Variants in CCDC170 observed in about 807,000 individuals in gnomAD.
CCDC170 encodes the protein coiled-coil domain containing 170.
A neutral mutation model predicts 72.6 loss-of-function variants in CCDC170; 69 were observed. That is an observed-to-expected ratio of 0.95 (90% CI 0.78 to 1.16). CCDC170 has a LOEUF of 1.16. CCDC170 is among the 50% of genes most tolerant of loss of function. CCDC170 has a pLI of 0.00. For synonymous variants in CCDC170, 300 were observed against 303.9 expected (o/e 0.99, Z 0.13); for missense variants, 852 against 832.5 (o/e 1.02, Z -0.29).
At position 151,548,352 on chromosome 6, in the gene CCDC170, A is replaced by G; in HGVS notation, c.637A>G (p.Ile213Val). 6.2e-7 allele frequency: 1 copy of G among 1,603,748 alleles called. No individual in the cohort carries two copies. Among genetic ancestry groups the G allele is most frequent in the Non-Finnish European group, 8.5e-7 (1 of 1,174,926 alleles). Reference sequence around the variant, plus strand: ...TGAATTCGTGAAAGGACAAATTGTTATTCTTGAAGAGACTATAAATGTCCA... The same window carrying G: ...TGAATTCGTGAAAGGACAAATTGTTGTTCTTGAAGAGACTATAAATGTCCA... The part of the protein sequence containing the change: ...ENEFVKGQIV[I>V]LEETINVHEM... Residue 213 changes from isoleucine (I) to valine (V), a missense_variant, in exon 5 of 11, where the codon ATT (isoleucine) becomes GTT (valine). Transcript: ENST00000239374.
chr6:151,536,671 A>C (rs1490961514), intron 2 of CCDC170, among the ~76,000 whole-genome samples: 4 of 148,002 alleles, frequency 2.7e-5, no homozygotes, highest in Non-Finnish European at 4.5e-5. Flanking sequence ...GCTGCTCGAG[A>C]GGCTGAGGCA....
intron 5 of CCDC170, among the ~76,000 whole-genome samples, chr6:151,571,981 A>G (rs182241310): frequency 2.8e-4 from 42 of 152,240 alleles, no homozygotes; most frequent in Admixed American, 2.4e-3. Context: ...TCAGCCTCCC[A>G]AGTAGCTGGG....
At chr6:151,504,251 G>T (rs1782035027) in intron 1 of CCDC170, among the ~76,000 whole-genome samples, 1 of 152,080 alleles carries the variant, frequency 6.6e-6, no homozygotes, top group South Asian at 2.1e-4. Context: ...AAACATACTT[G>T]AGTTCCTTGG....
intron 1 of CCDC170, among the ~76,000 whole-genome samples, chr6:151,497,081 G>A (rs1256218382): frequency 6.6e-6 from 1 of 152,210 alleles, no homozygotes; most frequent in Non-Finnish European, 1.5e-5. Context: ...GAGGGACAGA[G>A]GATACAAAAA....
intron 1 of CCDC170, among the ~76,000 whole-genome samples, chr6:151,522,512 G>A (rs1457219095): frequency 2.6e-5 from 4 of 151,954 alleles, no homozygotes; most frequent in Admixed American, 6.6e-5. Context: ...CCTGACTGGC[G>A]CCAAAGTACT....
At chr6:151,514,432 C>A (rs58934608) in intron 1 of CCDC170, among the ~76,000 whole-genome samples, 6,523 of 149,258 alleles carry the variant, frequency 0.044, 456 homozygotes, top group African/African-American at 0.14. Context: ...TCCTAGGAAG[C>A]CTTCACAAAA....
chr6:151,523,045 T>C (rs1782347201), intron 1 of CCDC170, among the ~76,000 whole-genome samples: 1 of 152,158 alleles, frequency 6.6e-6, no homozygotes, highest in South Asian at 2.1e-4. Context: ...TACAGTAGAA[T>C]TGTTATAGGA....
At chr6:151,561,232 T>G (rs764000534) in intron 5 of CCDC170, among the ~76,000 whole-genome samples, 3 of 152,158 alleles carry the variant, frequency 2.0e-5, no homozygotes, top group Non-Finnish European at 2.9e-5. Context: ...TATACTCTTT[T>G]AGTTATTTAA....
Position 151,617,978 on chromosome 6 carries a change from T to A in CCDC170, c.1979T>A (p.Met660Lys). 1 of 1,614,138 alleles carries A rather than the reference T, an allele frequency of 6.2e-7. No homozygotes were observed. The highest frequency in any genetic ancestry group is 8.5e-7 in the Non-Finnish European group (1 of 1,179,992). Reference protein sequence around the residue: ...LADFREVVSQMLGLNVTSLAL... With the variant: ...LADFREVVSQKLGLNVTSLAL... ...GACTTCAGGGAGGTGGTGTCGCAGA[T>A]GCTAGGCTTGAACGTGACCAGCCTT... is the stretch of plus-strand genomic sequence containing the variant. Residue 660 changes from methionine to lysine, a missense_variant, in exon 11 of 11, where the codon ATG becomes AAG. Transcript: ENST00000239374.
At chr6:151,506,912 C>T (rs1203873906) in intron 1 of CCDC170, among the ~76,000 whole-genome samples, 1 of 152,188 alleles carries the variant, frequency 6.6e-6, no homozygotes, top group Non-Finnish European at 1.5e-5. Context: ...ATCAGTTCTT[C>T]CCTGGGTCTC....
intron 1 of CCDC170, among the ~76,000 whole-genome samples, chr6:151,513,613 C>CAAAA (rs71014591): frequency 2.8e-4 from 13 of 46,000 alleles, no homozygotes; most frequent in Non-Finnish European, 4.8e-4. Context: ...GGCTCCGTCT[C>CAAAA]AAAAAAAAAA....
intron 4 of CCDC170, 148 bp from the exon 5 acceptor site, chr6:151,548,156 G>A (rs1375927205): frequency 8.1e-6 from 5 of 617,412 alleles, no homozygotes; most frequent in Non-Finnish European, 1.2e-5. Context: ...TTTACAGGCT[G>A]CCTTTGAAAA....
intron 1 of CCDC170, among the ~76,000 whole-genome samples, chr6:151,502,284 T>C (rs1782003814): frequency 6.6e-6 from 1 of 152,162 alleles, no homozygotes; most frequent in Non-Finnish European, 1.5e-5. Context: ...AAAATAATAA[T>C]GACAATAATA....
intron 1 of CCDC170, among the ~76,000 whole-genome samples, chr6:151,510,370 GTTAT>G (rs1486360500): frequency 2.0e-5 from 3 of 152,074 alleles, no homozygotes; most frequent in African/African-American, 4.8e-5. Context: ...CTAGAAATGA[GTTAT>G]TTATTACAGT....
At chr6:151,614,269 C>G (rs1175338025) in intron 9 of CCDC170, among the ~76,000 whole-genome samples, 1 of 152,102 alleles carries the variant, frequency 6.6e-6, no homozygotes, top group African/African-American at 2.4e-5. Context: ...GACAATAGCT[C>G]TCATTTCTCC....
chr6:151,512,802 TA>T (rs1450470723), intron 1 of CCDC170, among the ~76,000 whole-genome samples: 1 of 152,060 alleles, frequency 6.6e-6, no homozygotes, highest in Non-Finnish European at 1.5e-5. Context: ...ACCAAGTCCT[TA>T]AAAAAAGGAT....
At chr6:151,593,867 A>G (rs1243480696) in intron 8 of CCDC170, among the ~76,000 whole-genome samples, 2 of 152,248 alleles carry the variant, frequency 1.3e-5, no homozygotes, top group Non-Finnish European at 1.5e-5. Context: ...CCTAGCTGCA[A>G]GGGAGGCTTG....
In CCDC170 at chr6:151,523,953, G is replaced by A. The variant is rs111904296; in HGVS notation, c.58-12365G>A. 3.3e-3 allele frequency among the ~76,000 whole-genome samples: 504 copies of A among 152,308 alleles called. 2 individuals carry two copies. Among genetic ancestry groups the A allele is most frequent in the African/African-American group, 0.012 (491 of 41,570 alleles). ...AAGAGAATTAAAGGGTGAGGTTGGA[G>A]CGAAAGTTTAATAAGCGAAAGGAGA... On this transcript the variant is annotated intron_variant, in intron 1 of 10. Coordinates refer to ENST00000239374, the MANE Select transcript of CCDC170 (RefSeq NM_025059.4).
At chr6:151,536,955 T>G (rs1782599074) in intron 2 of CCDC170, among the ~76,000 whole-genome samples, 1 of 152,090 alleles carries the variant, frequency 6.6e-6, no homozygotes, top group African/African-American at 2.4e-5. Context: ...CTAGGTGGCT[T>G]GGGCTGAATT....
Sources: gnomAD v4.1 joint callset for allele counts (sites outside exome capture counted in the v4.1 genomes callset) on GRCh38, gnomAD v4.1.1 for gene constraint, MANE v1.5 for transcripts, NCBI Gene and HGNC (gene_info 2026-07-23, HGNC 2026-07-21) for gene names.